The following XXYLT1 variants were observed in gnomAD, a reference collection of about 807,000 sequenced individuals.
The protein encoded by XXYLT1 is UDP-xylose:alpha-xyloside alpha-1,3-xylosyltransferase.
In XXYLT1, 20 loss-of-function variants were observed where a neutral mutation model predicts 28.9. The ratio of observed to expected loss-of-function variants is 0.69; its 90% CI spans 0.49 to 1.00. XXYLT1 has a LOEUF of 1.00. XXYLT1 is among the 50% of genes least tolerant of loss of function. XXYLT1 has a pLI of 0.00. For missense variants in XXYLT1, 542 were observed against 560.1 expected, an observed-to-expected ratio of 0.97 and a Z score of 0.33; for synonymous variants, 257 against 253.8, an observed-to-expected ratio of 1.01 and a Z score of -0.12.
intron 3 of XXYLT1, among the ~76,000 whole-genome samples, chr3:195,096,645 T>C (rs1473410073): frequency 7.0e-6 from 1 of 143,084 alleles, no homozygotes; most frequent in Non-Finnish European, 1.6e-5. Context: ...AAGGAAACCA[T>C]TCCTTCTCCT....
chr3:195,198,916 G>A (rs539731923), intron 2 of XXYLT1, among the ~76,000 whole-genome samples: 16 of 152,084 alleles, frequency 1.1e-4, no homozygotes, highest in East Asian at 5.8e-4. Context: ...GTTCTCCGAC[G>A]GGAAGGCAAA....
chr3:195,153,297 G>A (rs1037589978), intron 3 of XXYLT1, among the ~76,000 whole-genome samples: 1 of 152,146 alleles, frequency 6.6e-6, no homozygotes, highest in Non-Finnish European at 1.5e-5. Context: ...ATTCCTTGTC[G>A]GCCAGCCAGT....
At chr3:195,083,368 G>C (rs751482741) in intron 3 of XXYLT1, among the ~76,000 whole-genome samples, 12 of 152,276 alleles carry the variant, frequency 7.9e-5, no homozygotes, top group Middle Eastern at 6.8e-3. Flanking sequence ...GGAGTCCTCA[G>C]GAAACTTCTG....
chr3:195,083,265 C>T (rs1411196822), intron 3 of XXYLT1, among the ~76,000 whole-genome samples: 1 of 152,128 alleles, frequency 6.6e-6, no homozygotes, highest in Non-Finnish European at 1.5e-5. Flanking sequence ...TAACCCCCTG[C>T]GTATACCGAG....
intron 3 of XXYLT1, among the ~76,000 whole-genome samples, chr3:195,093,564 G>A (rs1433395370): frequency 1.2e-4 from 18 of 149,188 alleles, no homozygotes; most frequent in African/African-American, 2.2e-4. Context: ...TAGCATTGGG[G>A]GATATACCTA....
At position 195,244,815 on chromosome 3, in the gene XXYLT1, G is replaced by T. The variant is rs143650582; in HGVS notation, c.505-17959C>A. The stretch of plus-strand genomic sequence containing the variant: ...TTCATTTAAAAATTTTTAAACTTTA[G>T]ATCATTATGACAAATACAACATGAG... On this transcript the variant is annotated intron_variant, in intron 1 of 3. Coordinates refer to ENST00000310380, the MANE Select transcript of XXYLT1 (RefSeq NM_152531.5). Among the ~76,000 whole-genome samples, 59 of 106,470 alleles carry T rather than the reference G, an allele frequency of 5.5e-4. No individual in the cohort carries two copies. In the East Asian group the frequency reaches 0.014, roughly 26 times the overall value. 69.8% of individuals were successfully genotyped at this position (106,470 alleles called of 152,430 possible).
At chr3:195,225,040 A>G (rs895040308) in intron 2 of XXYLT1, among the ~76,000 whole-genome samples, 17 of 152,276 alleles carry the variant, frequency 1.1e-4, no homozygotes, top group Non-Finnish European at 5.9e-5. Context: ...AGAAGTAACT[A>G]TTTGGAGAAG....
At chr3:195,170,385 G>A (rs561436557) in intron 2 of XXYLT1, among the ~76,000 whole-genome samples, 124 of 152,228 alleles carry the variant, frequency 8.1e-4, no homozygotes, top group Middle Eastern at 3.4e-3. Flanking sequence ...AGCCATGACC[G>A]CAACTTTCTT....
intron 2 of XXYLT1, among the ~76,000 whole-genome samples, chr3:195,190,234 C>T (rs1166778912): frequency 6.6e-6 from 1 of 152,078 alleles, no homozygotes; most frequent in East Asian, 1.9e-4. Flanking sequence ...GTGGCTCATG[C>T]CTGTAATCCC....
intron 1 of XXYLT1, among the ~76,000 whole-genome samples, chr3:195,235,788 AC>A (rs2108815230): frequency 6.6e-6 from 1 of 152,316 alleles, no homozygotes; most frequent in South Asian, 2.1e-4. Context: ...TTGTAGATGC[AC>A]CACCTTGATG....
chr3:195,079,095 C>T (rs565711894), intron 3 of XXYLT1, among the ~76,000 whole-genome samples: 6 of 152,322 alleles, frequency 3.9e-5, no homozygotes, highest in East Asian at 1.9e-4. Flanking sequence ...TTGCATCTCC[C>T]GGCCCCTTAC....
intron 3 of XXYLT1, among the ~76,000 whole-genome samples, chr3:195,079,687 G>A (rs368389816): frequency 2.0e-5 from 3 of 152,178 alleles, no homozygotes; most frequent in East Asian, 3.8e-4. Flanking sequence ...ACCCTGGGAT[G>A]TGGCTGGGAG....
rs1560116902 is a variant in XXYLT1 at position 195,143,803 on chromosome 3, TAGATATATATAG to T, written c.785+12634_785+12645del. 2.8e-3 allele frequency among the ~76,000 whole-genome samples: 237 copies of T among 84,140 alleles called. 7 individuals are homozygous for T. The highest frequency in any genetic ancestry group is 0.015 in the East Asian group (17 of 1,148). 55.2% of individuals were successfully genotyped at this position (84,140 alleles called of 152,430 possible). ...CTCTCATTATATATATATATATAGA[TAGATATATATAG>T]ATATAGATATATATAGATATAGATA... On this transcript the variant is annotated intron_variant, in intron 3 of 3. Transcript: ENST00000310380.
chr3:195,230,362 T>G (rs1419112116), intron 1 of XXYLT1, among the ~76,000 whole-genome samples: 2 of 152,192 alleles, frequency 1.3e-5, no homozygotes, highest in East Asian at 3.9e-4. Context: ...ATTGTTTCCT[T>G]CACTGTGCAG....
chr3:195,135,949 T>C (rs1459689083), intron 3 of XXYLT1, among the ~76,000 whole-genome samples: 1 of 152,014 alleles, frequency 6.6e-6, no homozygotes, highest in Non-Finnish European at 1.5e-5. Context: ...TGACCAACAT[T>C]CCCTCTATGG....
At chr3:195,155,774 A>G (rs1720554648) in intron 3 of XXYLT1, among the ~76,000 whole-genome samples, 1 of 151,792 alleles carries the variant, frequency 6.6e-6, no homozygotes. Context: ...CTCTCGTCGC[A>G]TGGAGCCGTT....
intron 2 of XXYLT1, among the ~76,000 whole-genome samples, chr3:195,189,037 CACTT>C (rs1722315700): frequency 6.6e-6 from 1 of 152,180 alleles, no homozygotes; most frequent in Non-Finnish European, 1.5e-5. Context: ...ATCCATTGAG[CACTT>C]ACTATGTGCC....
chr3:195,169,866 TA>T (rs1382772200), intron 2 of XXYLT1, among the ~76,000 whole-genome samples: 6,561 of 135,300 alleles, frequency 0.048, 424 homozygotes, highest in African/African-American at 0.16. Flanking sequence ...TATATATATA[TA>T]TATTTTTTTT....
intron 2 of XXYLT1, among the ~76,000 whole-genome samples, chr3:195,224,217 G>T (rs1267153902): frequency 1.3e-5 from 2 of 152,206 alleles, no homozygotes; most frequent in African/African-American, 4.8e-5. Flanking sequence ...CCCCTGAAAA[G>T]ACTGTGTGTT....
Sources: gnomAD v4.1 joint callset for allele counts (sites outside exome capture counted in the v4.1 genomes callset) on GRCh38, gnomAD v4.1.1 for gene constraint, MANE v1.5 for transcripts, NCBI Gene and HGNC (gene_info 2026-07-23, HGNC 2026-07-21) for gene names.